CALN1: variants seen among roughly 807,000 people sequenced by gnomAD.
The protein encoded by CALN1 is calcium-binding protein 8.
In CALN1, 17 loss-of-function variants were observed where a neutral mutation model predicts 30.6. The observed-to-expected ratio is 0.56, with a 90% CI of 0.38 to 0.83. The LOEUF (loss-of-function observed/expected upper bound fraction) is 0.83, where lower values mean the gene tolerates loss of function less well. Ranked by LOEUF, CALN1 falls within the 40% of genes least tolerant of loss-of-function variation. The pLI is 0.00. For missense variants in CALN1, 291 were observed against 354.9 expected, an observed-to-expected ratio of 0.82 and a Z score of 1.45; for synonymous variants, 156 against 131.4, an observed-to-expected ratio of 1.19 and a Z score of -1.28.
At chr7:71,971,731 C>G (rs1269617424) in intron 5 of CALN1, among the ~76,000 whole-genome samples, 1 of 151,272 alleles carries the variant, frequency 6.6e-6, no homozygotes, top group Non-Finnish European at 1.5e-5. Context: ...AACCCCGTCT[C>G]TACAAAAAAG....
intron 2 of CALN1, among the ~76,000 whole-genome samples, chr7:72,369,211 C>G (rs1273118516): frequency 1.3e-5 from 2 of 151,322 alleles, no homozygotes; most frequent in African/African-American, 2.4e-5. Flanking sequence ...AGTTTTATAC[C>G]TGTATACACC....
In CALN1 at chr7:72,442,354, C is replaced by A. The variant is rs558523693; in HGVS notation, c.-226+4688G>T. On this transcript the variant is annotated intron_variant, in intron 1 of 6. Coordinates refer to the CALN1 transcript ENST00000395276. ...AGCAAAAGCCAAAGTTCTTACAACGCCTCCAAGAGTTTTCATTCTGCTGCC... is the reference window on the plus strand; with the variant it reads ...AGCAAAAGCCAAAGTTCTTACAACGACTCCAAGAGTTTTCATTCTGCTGCC... Among the ~76,000 whole-genome samples the A allele has an allele frequency of 2.6e-5, 4 of 152,346 alleles. No homozygotes were observed. The East Asian group carries it at 7.7e-4, about 29-fold the overall frequency.
At chr7:72,091,979 A>G (rs1198433738) in intron 4 of CALN1, among the ~76,000 whole-genome samples, 2 of 152,326 alleles carry the variant, frequency 1.3e-5, no homozygotes, top group Middle Eastern at 3.4e-3. Flanking sequence ...AATTTCAATA[A>G]TTTACATTTT....
At position 72,054,530 on chromosome 7, in the gene CALN1, T is replaced by C. The variant is rs1218289324; in HGVS notation, c.389-30761A>G. Among the ~76,000 whole-genome samples, 29 of 69,130 alleles carry C rather than the reference T, an allele frequency of 4.2e-4. No individual in the cohort carries two copies. The South Asian group carries it at 0.011, about 26-fold the overall frequency. 45.4% of individuals were successfully genotyped at this position (69,130 alleles called of 152,430 possible). ...ATATACATATATATACATATATACA[T>C]ACATATATATATACATATATATATA... On this transcript the variant is annotated intron_variant, in intron 4 of 6. Transcript: ENST00000395275.
At chr7:71,807,801 T>C (rs1787706669) in intron 6 of CALN1, among the ~76,000 whole-genome samples, 1 of 151,838 alleles carries the variant, frequency 6.6e-6, no homozygotes, top group Non-Finnish European at 1.5e-5. Context: ...TTAGGCCGAG[T>C]GTGATGGCTC....
chr7:72,184,258 C>T (rs940887731), intron 3 of CALN1, among the ~76,000 whole-genome samples: 3 of 152,116 alleles, frequency 2.0e-5, no homozygotes, highest in Non-Finnish European at 4.4e-5. Flanking sequence ...ACTGTGGACC[C>T]GGACAGCCTA....
intron 6 of CALN1, among the ~76,000 whole-genome samples, chr7:71,800,663 G>A (rs1033497466): frequency 2.0e-5 from 3 of 152,070 alleles, no homozygotes; most frequent in Non-Finnish European, 2.9e-5. Context: ...AAATGAGCAC[G>A]GGTGATGAAG....
intron 6 of CALN1, among the ~76,000 whole-genome samples, chr7:71,806,786 A>T (rs547833884): frequency 5.9e-5 from 9 of 152,264 alleles, no homozygotes; most frequent in Admixed American, 3.3e-4. Context: ...TCATCAAATC[A>T]ACAACCTCAA....
At chr7:72,487,651 A>T in the CALN1 span, among the ~76,000 whole-genome samples, 3 of 148,246 alleles carry the variant, frequency 2.0e-5, no homozygotes, top group Non-Finnish European at 3.0e-5. Flanking sequence ...GCCCCAGTGC[A>T]CTCCAGCCTG....
At chr7:71,872,793 TA>T (rs1792014969) in intron 5 of CALN1, among the ~76,000 whole-genome samples, 2 of 151,742 alleles carry the variant, frequency 1.3e-5, no homozygotes, top group Non-Finnish European at 2.9e-5. Context: ...TTAGTATTTT[TA>T]GTAGAGACAG....
At chr7:71,829,194 C>T (rs1179321053) in intron 5 of CALN1, among the ~76,000 whole-genome samples, 1 of 152,146 alleles carries the variant, frequency 6.6e-6, no homozygotes, top group Non-Finnish European at 1.5e-5. Flanking sequence ...TTAACTGAGA[C>T]CTGTCTCAAA....
chr7:72,164,247 A>G (rs1310885044), intron 3 of CALN1, among the ~76,000 whole-genome samples: 1 of 151,844 alleles, frequency 6.6e-6, no homozygotes. Flanking sequence ...ACATGCCTAT[A>G]ATCCTAGCCA....
intron 2 of CALN1, among the ~76,000 whole-genome samples, chr7:72,376,078 C>T (rs1217402252): frequency 6.6e-6 from 1 of 152,092 alleles, no homozygotes; most frequent in African/African-American, 2.4e-5. Flanking sequence ...GTATTTTATT[C>T]CTTTAGTTGG....
chr7:71,908,207 A>T (rs745426969), intron 5 of CALN1, among the ~76,000 whole-genome samples: 8 of 152,126 alleles, frequency 5.3e-5, no homozygotes, highest in Non-Finnish European at 1.0e-4. Context: ...GCAGGCCTCC[A>T]CCCAAAGTCA....
At chr7:71,882,925 G>A (rs1792671786) in intron 5 of CALN1, among the ~76,000 whole-genome samples, 1 of 150,680 alleles carries the variant, frequency 6.6e-6, no homozygotes, top group Admixed American at 6.7e-5. Context: ...ATGTTGCCCA[G>A]GCTGGTCTCA....
intron 5 of CALN1, among the ~76,000 whole-genome samples, chr7:72,020,547 T>C (rs1800645786): frequency 6.6e-6 from 1 of 152,204 alleles, no homozygotes; most frequent in South Asian, 2.1e-4. Context: ...GTTTTTGTTC[T>C]TGCTTGCTAG....
the CALN1 span, among the ~76,000 whole-genome samples, chr7:72,454,214 G>C: frequency 1.3e-5 from 2 of 152,172 alleles, no homozygotes; most frequent in African/African-American, 4.8e-5. Flanking sequence ...TCTGCTCTGA[G>C]AATCATGCAA....
At chr7:72,480,960 T>C in the CALN1 span, among the ~76,000 whole-genome samples, 1 of 152,150 alleles carries the variant, frequency 6.6e-6, no homozygotes, top group Non-Finnish European at 1.5e-5. Context: ...TTACCTTTTT[T>C]TGTTGTTGTT....
intron 4 of CALN1, among the ~76,000 whole-genome samples, chr7:72,024,950 C>T (rs1458169178): frequency 1.3e-5 from 2 of 152,136 alleles, no homozygotes; most frequent in African/African-American, 2.4e-5. Flanking sequence ...TCTCATTAGG[C>T]AGAACTGGTC....
Sources: allele counts gnomAD v4.1 joint callset (sites outside exome capture counted in the v4.1 genomes callset), GRCh38; gene constraint gnomAD v4.1.1; transcripts MANE v1.5; gene names NCBI Gene and HGNC (gene_info 2026-07-23, HGNC 2026-07-21).